Variants in AAK1 observed in about 807,000 individuals in gnomAD.
AAK1 encodes the protein AP2-associated protein kinase 1.
A neutral mutation model predicts 116.0 loss-of-function variants in AAK1; 37 were observed. That is an observed-to-expected ratio of 0.32 (90% confidence interval 0.25 to 0.42). The LOEUF is 0.42. AAK1 is among the 10% of genes least tolerant of loss of function. The pLI is 1.00. For missense variants in AAK1, 919 were observed against 1,170.6 expected (o/e 0.79, Z 3.14); for synonymous variants, 458 against 439.9 (o/e 1.04, Z -0.51).
intron 5 of AAK1, among the ~76,000 whole-genome samples, chr2:69,532,850 C>T (rs1013021612): frequency 1.3e-5 from 2 of 152,096 alleles, no homozygotes; most frequent in African/African-American, 4.8e-5. Context: ...TAAATGAATT[C>T]TTTGGGCAGT....
At chr2:69,607,096 G>A (rs1673839812) in intron 2 of AAK1, among the ~76,000 whole-genome samples, 1 of 151,226 alleles carries the variant, frequency 6.6e-6, no homozygotes, top group African/African-American at 2.4e-5. Context: ...TAAACGCTGT[G>A]GAGAAAAATA....
At chr2:69,574,377 C>CAAAA (rs58486434) in intron 2 of AAK1, among the ~76,000 whole-genome samples, 8 of 74,880 alleles carry the variant, frequency 1.1e-4, no homozygotes, top group East Asian at 7.3e-4. Context: ...GACTCCCTCT[C>CAAAA]AAAAAAAAAA....
At chr2:69,510,882 A>G (rs938260064) in intron 13 of AAK1, among the ~76,000 whole-genome samples, 1 of 152,188 alleles carries the variant, frequency 6.6e-6, no homozygotes, top group Non-Finnish European at 1.5e-5. Flanking sequence ...CCTGATGATG[A>G]CTGAGCTAAT....
intron 2 of AAK1, among the ~76,000 whole-genome samples, chr2:69,638,963 C>T (rs958817035): frequency 2.6e-5 from 4 of 152,190 alleles, no homozygotes; most frequent in Non-Finnish European, 4.4e-5. Context: ...GAGGCACGTA[C>T]GTGTATCATA....
intron 12 of AAK1, 126 bp downstream of exon 12, chr2:69,518,828 A>ATC: frequency 7.4e-7 from 1 of 1,347,946 alleles, no homozygotes; most frequent in Non-Finnish European, 9.8e-7. Context: ...ATGCTTTAGT[A>ATC]TCTACATCTA....
chr2:69,573,994 C>CAAAATA (rs148879862), intron 2 of AAK1, among the ~76,000 whole-genome samples: 22 of 150,896 alleles, frequency 1.5e-4, no homozygotes, highest in Admixed American at 1.3e-3. Flanking sequence ...GACTCCATCT[C>CAAAATA]AAAATAAAAA....
Position 69,643,256 on chromosome 2 carries a change from G to T in AAK1, c.-216C>A. 1 of 1,409,938 alleles carries T rather than the reference G, an allele frequency of 7.1e-7. No individual in the cohort carries two copies. Among genetic ancestry groups the T allele is most frequent in the Non-Finnish European group, 9.2e-7 (1 of 1,090,580 alleles). The allele number at this position is 1,409,938 out of a possible 1,614,324, so 87.3% of individuals were successfully genotyped here. On this transcript the variant is annotated 5_prime_UTR_variant, in exon 2 of 22. Transcript: ENST00000409085. ...CGGGTCCCCTCCTCCTCCAGAAAGCGATTCGTGTAAGTTTAAACCTGTGAT... is the reference window on the plus strand; with the variant it reads ...CGGGTCCCCTCCTCCTCCAGAAAGCTATTCGTGTAAGTTTAAACCTGTGAT...
chr2:69,639,494 G>C (rs1675605224), intron 2 of AAK1, among the ~76,000 whole-genome samples: 1 of 152,148 alleles, frequency 6.6e-6, no homozygotes, highest in South Asian at 2.1e-4. Flanking sequence ...ATAACTTAAA[G>C]CCTTCACTTC....
intron 2 of AAK1, among the ~76,000 whole-genome samples, chr2:69,637,315 C>T (rs983285790): frequency 6.6e-6 from 1 of 152,172 alleles, no homozygotes; most frequent in African/African-American, 2.4e-5. Flanking sequence ...ATGACTCCAG[C>T]GCAGCATCTG....
intron 10 of AAK1, among the ~76,000 whole-genome samples, chr2:69,523,218 T>C (rs1212108365): frequency 6.6e-6 from 1 of 152,230 alleles, no homozygotes; most frequent in Non-Finnish European, 1.5e-5. Context: ...GCACATATCA[T>C]GTTTGAGCCT....
intron 2 of AAK1, among the ~76,000 whole-genome samples, chr2:69,569,659 C>T (rs1479719489): frequency 6.6e-6 from 1 of 152,134 alleles, no homozygotes; most frequent in Non-Finnish European, 1.5e-5. Context: ...CCCAAATCCT[C>T]CCATAGGCAA....
chr2:69,524,513 C>T (rs926031015), intron 10 of AAK1, among the ~76,000 whole-genome samples: 1 of 152,058 alleles, frequency 6.6e-6, no homozygotes, highest in African/African-American at 2.4e-5. Context: ...CAGCTCACTG[C>T]AACCTCCACC....
intron 2 of AAK1, among the ~76,000 whole-genome samples, chr2:69,569,830 A>C (rs1672022393): frequency 6.6e-6 from 1 of 152,068 alleles, no homozygotes; most frequent in Non-Finnish European, 1.5e-5. Context: ...TTCATTGCTG[A>C]CTAGTGTTTC....
intron 19 of AAK1, 30 bp downstream of exon 19, chr2:69,480,830 T>G: frequency 1.9e-6 from 3 of 1,554,184 alleles, no homozygotes; most frequent in Non-Finnish European, 8.7e-7. Context: ...CACCGACCAG[T>G]CCCTGCAGCT....
intron 2 of AAK1, chr2:69,594,669 T>C (rs968717945): frequency 5.2e-6 from 3 of 572,882 alleles, no homozygotes; most frequent in African/African-American, 1.9e-5. Context: ...GAAAATGTTC[T>C]TGAAGGAATT....
chr2:69,474,511 A>C lies in AAK1; in HGVS notation c.*1358T>G. ...TATTTATTTTATGAACAATATCCTA[A>C]AGTTAATAAAGAACTATGCTTTATT... On this transcript the variant is annotated 3_prime_UTR_variant, in exon 22 of 22. Transcript: ENST00000409085. The C allele has an allele frequency of 1.0e-6, 1 of 984,778 alleles. No individual in the cohort carries two copies. The highest frequency in any genetic ancestry group is 1.2e-6 in the Non-Finnish European group (1 of 829,302). 61.0% of individuals were successfully genotyped at this position (984,778 alleles called of 1,614,324 possible).
intron 5 of AAK1, among the ~76,000 whole-genome samples, chr2:69,535,098 C>T (rs1670408036): frequency 6.6e-6 from 1 of 152,218 alleles, no homozygotes; most frequent in African/African-American, 2.4e-5. Flanking sequence ...ATGCACCTGG[C>T]AGGGCTCATC....
chr2:69,595,876 C>G (rs1247980972), intron 2 of AAK1, among the ~76,000 whole-genome samples: 1 of 152,210 alleles, frequency 6.6e-6, no homozygotes, highest in African/African-American at 2.4e-5. Flanking sequence ...CTGTTAGGAA[C>G]TAATGCACCT....
intron 3 of AAK1, among the ~76,000 whole-genome samples, chr2:69,546,660 T>A (rs891114797): frequency 6.6e-6 from 1 of 152,184 alleles, no homozygotes; most frequent in East Asian, 1.9e-4. Flanking sequence ...GGTAGAACCA[T>A]GCTATGGTTT....
Sources: allele counts gnomAD v4.1 joint callset (sites outside exome capture counted in the v4.1 genomes callset), GRCh38; gene constraint gnomAD v4.1.1; transcripts MANE v1.5; gene names NCBI Gene and HGNC (gene_info 2026-07-23, HGNC 2026-07-21).